Variants in DCBLD1 observed in about 807,000 individuals in gnomAD.
DCBLD1 encodes the protein discoidin, CUB and LCCL domain containing 1.
DCBLD1 carries 57 observed loss-of-function variants against 71.5 expected under a neutral mutation model. The observed-to-expected ratio is 0.80, with a 90% CI of 0.64 to 0.99. The LOEUF (loss-of-function observed/expected upper bound fraction) is 0.99. Among genes scored for constraint, DCBLD1 ranks in the 50% least tolerant of loss-of-function variants. DCBLD1 has a pLI of 0.00. For missense variants in DCBLD1, 891 were observed against 923.5 expected (o/e 0.96, Z 0.46); for synonymous variants, 380 against 363.8 (o/e 1.04, Z -0.51).
At chr6:117,568,351 C>T (rs994728764) in intron 14 of DCBLD1, among the ~76,000 whole-genome samples, 3 of 152,310 alleles carry the variant, frequency 2.0e-5, no homozygotes, top group South Asian at 4.1e-4. Flanking sequence ...AAAGAAAACA[C>T]GGCATTTTTG....
chr6:117,557,246 G>T (rs1208378450), intron 14 of DCBLD1, among the ~76,000 whole-genome samples: 2 of 151,738 alleles, frequency 1.3e-5, no homozygotes. Context: ...ATCCCTAATG[G>T]TTTTTTTCTT....
intron 14 of DCBLD1, chr6:117,562,568 CA>C (rs909757358): frequency 4.9e-6 from 1 of 202,360 alleles, no homozygotes; most frequent in Non-Finnish European, 1.0e-5. Context: ...TTTTAAAAAA[CA>C]AAAAAAGTAA....
intron 5 of DCBLD1, 65 bp from the exon 6 acceptor site, chr6:117,532,195 A>G: frequency 6.6e-7 from 1 of 1,521,258 alleles, no homozygotes; most frequent in South Asian, 1.4e-5. Context: ...AACAAAATAG[A>G]AAACTCCAAC....
chr6:117,500,499 T>C (rs568554434), intron 1 of DCBLD1, among the ~76,000 whole-genome samples: 27 of 152,296 alleles, frequency 1.8e-4, no homozygotes, highest in Admixed American at 1.0e-3. Context: ...CCAGCATTGC[T>C]GGGTGAAAGA....
At chr6:117,536,294 C>G (rs1258514677) in intron 6 of DCBLD1, among the ~76,000 whole-genome samples, 14 of 152,336 alleles carry the variant, frequency 9.2e-5, no homozygotes, top group East Asian at 7.7e-4. Context: ...GTGTTTACCT[C>G]TAGTATCTAA....
chr6:117,560,564 C>A (rs148634925), intron 14 of DCBLD1: 11 of 193,596 alleles, frequency 5.7e-5, no homozygotes, highest in African/African-American at 2.5e-4. Context: ...GGGAAAAAAA[C>A]AGCACCACAG....
intron 1 of DCBLD1, among the ~76,000 whole-genome samples, chr6:117,495,220 C>T (rs1414957136): frequency 1.3e-5 from 2 of 152,188 alleles, no homozygotes; most frequent in Non-Finnish European, 2.9e-5. Flanking sequence ...ATCTTCACCA[C>T]ACCCAGTTAT....
chr6:117,560,561 A>C (rs1583044729), intron 14 of DCBLD1: 2 of 193,786 alleles, frequency 1.0e-5, no homozygotes, highest in East Asian at 1.6e-4. Context: ...GTGGGGAAAA[A>C]AACAGCACCA....
chr6:117,566,886 T>C, intron 14 of DCBLD1: 1 of 1,592,980 alleles, frequency 6.3e-7, no homozygotes, highest in South Asian at 1.2e-5. Context: ...ACTTGTGTCT[T>C]TGCAACTAGC....
At chr6:117,502,631 T>G (rs1435433469) in intron 1 of DCBLD1, among the ~76,000 whole-genome samples, 1 of 152,192 alleles carries the variant, frequency 6.6e-6, no homozygotes, top group Non-Finnish European at 1.5e-5. Context: ...AAGGTGAGGC[T>G]TCTCCATCAG....
At chr6:117,567,008 A>G in intron 14 of DCBLD1, 1 of 1,594,428 alleles carries the variant, frequency 6.3e-7, no homozygotes. Context: ...GAGCCACATA[A>G]ACTACTTCAA....
At chr6:117,567,084 T>A in intron 14 of DCBLD1, 1 of 1,394,662 alleles carries the variant, frequency 7.2e-7, no homozygotes, top group Non-Finnish European at 9.6e-7. Flanking sequence ...AATTGTAATT[T>A]AAAAAGGATT....
At chr6:117,542,278 C>G (rs1226428170) in intron 11 of DCBLD1, among the ~76,000 whole-genome samples, 1 of 147,750 alleles carries the variant, frequency 6.8e-6, no homozygotes, top group African/African-American at 2.5e-5. Context: ...GGTGACAGAG[C>G]GAGACTCCAT....
intron 1 of DCBLD1, among the ~76,000 whole-genome samples, chr6:117,483,891 A>G (rs1464549348): frequency 2.0e-5 from 3 of 151,820 alleles, no homozygotes; most frequent in Non-Finnish European, 2.9e-5. Context: ...CAATGCCGGC[A>G]TTTTTTTCAC....
chr6:117,516,130 G>A (rs1161782258), intron 2 of DCBLD1, among the ~76,000 whole-genome samples: 2 of 151,896 alleles, frequency 1.3e-5, no homozygotes, highest in Non-Finnish European at 2.9e-5. Flanking sequence ...GAGGCGGGCA[G>A]ATCACGAGGT....
At chr6:117,540,525 A>G in intron 9 of DCBLD1, 143 bp from the exon 10 acceptor site, 1 of 937,884 alleles carries the variant, frequency 1.1e-6, no homozygotes, top group African/African-American at 1.7e-5. Flanking sequence ...AAAGCCTCGT[A>G]TCTTCAATAT....
chr6:117,562,922 C>T (rs775037711), intron 14 of DCBLD1: 5 of 276,240 alleles, frequency 1.8e-5, no homozygotes, highest in Non-Finnish European at 3.4e-5. Context: ...TTAGCACTGT[C>T]CTCCTACTAA....
At position 117,548,157 on chromosome 6, in the gene DCBLD1, C is replaced by G; in HGVS notation, c.1866C>G (p.Arg622=). Residue 622 remains arginine (R), a synonymous_variant, in exon 15 of 15, where the codon CGC becomes CGG. Transcript: ENST00000338728. ...CGTTCTCTGCGCAGAGCGGCTACCG[C>G]GTCCCAGGGCCCCAGCCCGGCCACA... ...AHTFSAQSGY[R]VPGPQPGHKH... 6.5e-7 allele frequency: 1 copy of G among 1,550,154 alleles called. No homozygotes were observed. The highest frequency in any genetic ancestry group is 2.4e-5 in the East Asian group (1 of 40,900).
rs543461467 is a variant in DCBLD1, at chr6:117,497,241, C to T, written c.113-6526C>T. Among the ~76,000 whole-genome samples the T allele has an allele frequency of 2.0e-5, 3 of 152,296 alleles. No individual in the cohort carries two copies. In the East Asian group the frequency reaches 5.8e-4, roughly 29 times the overall value. ...TTTGCACTGTTCAATTTACTCCACC[C>T]AAATCATTTTCCAACAAGTGCAATT... On this transcript the variant is annotated intron_variant, in intron 1 of 14. Coordinates refer to ENST00000338728, the MANE Select transcript of DCBLD1 (RefSeq NM_001366458.2).
Sources: allele counts gnomAD v4.1 joint callset (sites outside exome capture counted in the v4.1 genomes callset), GRCh38; gene constraint gnomAD v4.1.1; transcripts MANE v1.5; gene names NCBI Gene and HGNC (gene_info 2026-07-23, HGNC 2026-07-21).